The following CFAP43 variants were observed in gnomAD, a reference collection of about 807,000 sequenced individuals.
CFAP43 encodes the protein cilia and flagella associated protein 43, also known as cilia- and flagella-associated protein 43.
CFAP43 carries 155 observed loss-of-function variants against 218.9 expected under a neutral mutation model. The observed-to-expected ratio is 0.71, with a 90% confidence interval of 0.62 to 0.81. The LOEUF is 0.81. Ranked by LOEUF, CFAP43 falls within the 30% of genes least tolerant of loss-of-function variation. The probability of loss-of-function intolerance (pLI) is 0.00; values close to 1 mark genes in which losing one functional copy is unlikely to be tolerated. For synonymous variants in CFAP43, 645 were observed against 681.3 expected, an observed-to-expected ratio of 0.95 and a Z score of 0.83; for missense variants, 1,778 against 1,954.3, an observed-to-expected ratio of 0.91 and a Z score of 1.70.
rs1479886827 is a variant in CFAP43, at chr10:104,182,479, C to G, written c.2176G>C (p.Asp726His). 6.2e-7 allele frequency: 1 copy of G among 1,611,176 alleles called. No individual in the cohort carries two copies. The highest frequency in any genetic ancestry group is 2.2e-5 in the East Asian group (1 of 44,680). The part of the protein sequence containing the change: ...FGGHLASEIL[D>H]YYQKLLISLS... ...GAAATTAATAGTTTCTGGTAATAGT[C>G]CAGAATTTCACTGGCTAGGTGTCCT... Residue 726 changes from aspartate (D) to histidine (H), a missense_variant, in exon 17 of 38, where the codon GAC (aspartate) becomes CAC (histidine). Asp to His is a moderately conservative substitution (Grantham distance 81). Coordinates refer to ENST00000357060, the MANE Select transcript of CFAP43 (RefSeq NM_025145.7).
In CFAP43 at chr10:104,130,297, G is replaced by C; in HGVS notation, c.4840C>G (p.Leu1614Val). ...TCTTTGACAATCTTTTCACAAGTCA[G>C]TTTAGACCCTATCCCAAAAATGAAT... Reference protein sequence around the residue: ...KDICNAMGSKLTCEKIVKERY... With the variant: ...KDICNAMGSKVTCEKIVKERY... The change falls in exon 38 of 38, where the codon CTG (leucine) becomes GTG (valine). Residue 1614 changes from leucine (L) to valine (V), a missense_variant. Leu to Val is a conservative substitution (Grantham distance 32). Around this residue, in one of 3 missense-constraint regions of CFAP43, gnomAD observed 211 missense variants for 230.6 expected, o/e 0.91. Coordinates refer to ENST00000357060, the MANE Select transcript of CFAP43 (RefSeq NM_025145.7). 1 of 1,605,592 alleles carries C rather than the reference G, an allele frequency of 6.2e-7. No homozygotes were observed. Among genetic ancestry groups the C allele is most frequent in the South Asian group, 1.1e-5 (1 of 88,720 alleles).
At chr10:104,163,162 A>G (rs1323374574) in intron 24 of CFAP43, among the ~76,000 whole-genome samples, 1 of 152,232 alleles carries the variant, frequency 6.6e-6, no homozygotes, top group African/African-American at 2.4e-5. Context: ...TTGGGTCCAA[A>G]GCCCCAACAA....
At chr10:104,206,468 G>A (rs757556591) in intron 6 of CFAP43, among the ~76,000 whole-genome samples, 4 of 152,164 alleles carry the variant, frequency 2.6e-5, no homozygotes, top group Non-Finnish European at 5.9e-5. Flanking sequence ...CTCATACCAG[G>A]GCATAGTTGG....
intron 5 of CFAP43, among the ~76,000 whole-genome samples, chr10:104,210,040 T>C (rs187412052): frequency 8.5e-5 from 13 of 152,238 alleles, no homozygotes; most frequent in African/African-American, 2.2e-4. Flanking sequence ...AGGTTACTTA[T>C]AATACCTAAT....
chr10:104,162,823 G>T (rs2088950551), intron 24 of CFAP43, among the ~76,000 whole-genome samples: 1 of 151,780 alleles, frequency 6.6e-6, no homozygotes, highest in African/African-American at 2.4e-5. Flanking sequence ...AGGGGGTGGG[G>T]TGGGCATTTA....
intron 19 of CFAP43, among the ~76,000 whole-genome samples, chr10:104,175,140 A>C (rs1163893497): frequency 1.3e-5 from 2 of 150,082 alleles, no homozygotes; most frequent in African/African-American, 4.9e-5. Context: ...ATTTTAAAAG[A>C]AATAAATATA....
chr10:104,196,287 T>G (rs964753883), intron 10 of CFAP43, among the ~76,000 whole-genome samples: 2 of 152,258 alleles, frequency 1.3e-5, no homozygotes, highest in African/African-American at 4.8e-5. Context: ...TAACACTTAC[T>G]TTTTAATTTT....
At chr10:104,228,816 A>T (rs1425657223) in intron 2 of CFAP43, among the ~76,000 whole-genome samples, 1 of 152,178 alleles carries the variant, frequency 6.6e-6, no homozygotes, top group Non-Finnish European at 1.5e-5. Flanking sequence ...GTCCTAGCAG[A>T]CTATCGCATT....
At chr10:104,173,304 G>T (rs1293492939) in intron 19 of CFAP43, among the ~76,000 whole-genome samples, 1 of 152,122 alleles carries the variant, frequency 6.6e-6, no homozygotes, top group Non-Finnish European at 1.5e-5. Flanking sequence ...AAAAGGAATA[G>T]AATCCTTCAG....
intron 5 of CFAP43, 47 bp from the exon 6 acceptor site, chr10:104,207,871 A>T: frequency 6.4e-7 from 1 of 1,564,302 alleles, no homozygotes; most frequent in Non-Finnish European, 8.7e-7. Context: ...AATCACGGCT[A>T]AAAGCCTGAG....
chr10:104,162,564 TGA>T (rs1466858772), intron 24 of CFAP43, among the ~76,000 whole-genome samples, 161 bp from the exon 25 acceptor site: 17 of 152,246 alleles, frequency 1.1e-4, no homozygotes, highest in African/African-American at 3.6e-4. Context: ...AGGTCTAAAA[TGA>T]GAGAGTTGGA....
rs760985685 is a variant in CFAP43, at chr10:104,130,246, G to T, written c.4891C>A (p.Gln1631Lys). 1 of 1,613,064 alleles carries T rather than the reference G, an allele frequency of 6.2e-7. No individual in the cohort carries two copies. The highest frequency in any genetic ancestry group is 1.1e-5 in the South Asian group (1 of 90,824). The change falls in exon 38 of 38, where the codon CAG (glutamine) becomes AAG (lysine). Residue 1631 changes from glutamine (Q) to lysine (K), a missense_variant. Transcript: ENST00000357060. ...TGTTTTGAAATATTTGTTAACTTCT[G>T]CTGTTGCATCATGTTTTCATACCGT... ...KERYENMMQQ[Q>K]KLTNISKQQA...
At position 104,230,721 on chromosome 10, in the gene CFAP43, C is replaced by T. The variant is rs567955049; in HGVS notation, c.188G>A (p.Cys63Tyr). 6.2e-7 allele frequency: 1 copy of T among 1,614,114 alleles called. No individual in the cohort carries two copies. Among genetic ancestry groups the T allele is most frequent in the Admixed American group, 1.7e-5 (1 of 60,018 alleles). Residue 63 changes from cysteine to tyrosine, a missense_variant, in exon 2 of 38, where the codon TGT becomes TAT. Around this residue, in one of 3 missense-constraint regions of CFAP43, gnomAD observed 1,553 missense variants for 1,685.2 expected, o/e 0.92. Coordinates refer to ENST00000357060, the MANE Select transcript of CFAP43 (RefSeq NM_025145.7). ...IETKKKTVLQ[C>Y]SNGIVGVMAT... ...CATGACGCCCACAATTCCATTACTACACTGCAGTACAGTCTTTTTCTTGGT... is the reference window on the plus strand; with the variant it reads ...CATGACGCCCACAATTCCATTACTATACTGCAGTACAGTCTTTTTCTTGGT...
Position 104,154,338 on chromosome 10 carries a change from G to A in CFAP43, c.3541-1612C>T, listed in dbSNP as rs868463316. Among the ~76,000 whole-genome samples the A allele has an allele frequency of 5.9e-5, 9 of 152,254 alleles. No individual in the cohort carries two copies. In the Middle Eastern group the frequency reaches 0.01, roughly 173 times the overall value. ...ATTAATAAGGAAAGAGACTGATTCC[G>A]GGAGGATAATGGAGAAAGAGGTTTA... On this transcript the variant is annotated intron_variant, in intron 27 of 37. Transcript: ENST00000357060.
At chr10:104,157,775 T>TGAGAGACA (rs2088645908) in intron 27 of CFAP43, among the ~76,000 whole-genome samples, 1 of 90,160 alleles carries the variant, frequency 1.1e-5, no homozygotes, top group African/African-American at 5.0e-5. Context: ...TGTGTGTGTG[T>TGAGAGACA]GAGAGAGAGA....
chr10:104,130,278 A>G lies in CFAP43; in HGVS notation c.4859T>C (p.Val1620Ala), dbSNP rs868390603. Reference protein sequence around the residue: ...MGSKLTCEKIVKERYENMMQQ... With the variant: ...MGSKLTCEKIAKERYENMMQQ... ...CATCATGTTTTCATACCGTTCTTTG[A>G]CAATCTTTTCACAAGTCAGTTTAGA... Residue 1620 changes from valine to alanine, a missense_variant, in exon 38 of 38, where the codon GTC (valine) becomes GCC (alanine). By Grantham distance (64) the Val-to-Ala change is moderately conservative (BLOSUM62 0). Around this residue, in one of 3 missense-constraint regions of CFAP43, gnomAD observed 211 missense variants for 230.6 expected, o/e 0.91. Coordinates refer to ENST00000357060, the MANE Select transcript of CFAP43 (RefSeq NM_025145.7). 2 of 1,611,420 alleles carry G rather than the reference A, an allele frequency of 1.2e-6. No individual in the cohort carries two copies. Among genetic ancestry groups the G allele is most frequent in the African/African-American group, 2.7e-5 (2 of 74,852 alleles).
intron 5 of CFAP43, 103 bp from the exon 6 acceptor site, chr10:104,207,927 C>G (rs565478115): frequency 8.7e-7 from 1 of 1,154,184 alleles, no homozygotes; most frequent in African/African-American, 1.6e-5. Flanking sequence ...TACTTAACCC[C>G]ATAGACGCAG....
intron 9 of CFAP43, 66 bp downstream of exon 9, chr10:104,197,856 G>C: frequency 9.0e-7 from 1 of 1,110,178 alleles, no homozygotes; most frequent in Non-Finnish European, 1.3e-6. Flanking sequence ...CATATAAATG[G>C]GGATTTAAAT....
chr10:104,185,185 C>A (rs1156778922), intron 15 of CFAP43, 39 bp from the exon 16 acceptor site: 2 of 1,610,742 alleles, frequency 1.2e-6, no homozygotes, highest in Non-Finnish European at 1.7e-6. Flanking sequence ...ATTACAAATG[C>A]AATTCTACCA....
Sources: allele counts gnomAD v4.1 joint callset (sites outside exome capture counted in the v4.1 genomes callset), GRCh38; gene constraint gnomAD v4.1.1; regional missense constraint gnomAD v4.1.1; transcripts MANE v1.5; gene names NCBI Gene and HGNC (gene_info 2026-07-23, HGNC 2026-07-21).